CCDC7: variants seen among roughly 807,000 people sequenced by gnomAD.
CCDC7 encodes the protein coiled-coil domain containing 7.
A neutral mutation model predicts 196.9 loss-of-function variants in CCDC7; 183 were observed. That is an observed-to-expected ratio of 0.93 (90% CI 0.82 to 1.05). CCDC7 has a LOEUF of 1.05. Ranked by LOEUF, CCDC7 falls within the 50% of genes least tolerant of loss-of-function variation. CCDC7 has a pLI of 0.00. For missense variants in CCDC7, 1,540 were observed against 1,482.2 expected, an observed-to-expected ratio of 1.04 and a Z score of -0.64; for synonymous variants, 525 against 484.6, an observed-to-expected ratio of 1.08 and a Z score of -1.10.
At chr10:32,485,457 A>C (rs1285575067) in intron 8 of CCDC7, among the ~76,000 whole-genome samples, 1 of 152,124 alleles carries the variant, frequency 6.6e-6, no homozygotes, top group African/African-American at 2.4e-5. Context: ...TCCTGGATTC[A>C]TTGAATTTTT....
At chr10:32,561,518 A>T (rs1270714350) in intron 13 of CCDC7, among the ~76,000 whole-genome samples, 1 of 152,232 alleles carries the variant, frequency 6.6e-6, no homozygotes, top group African/African-American at 2.4e-5. Flanking sequence ...GCTCAACTAC[A>T]TGGAAACTGA....
chr10:32,852,610 A>T (rs1342545), intron 40 of CCDC7, among the ~76,000 whole-genome samples: 1 of 151,998 alleles, frequency 6.6e-6, no homozygotes, highest in Admixed American at 6.6e-5. Context: ...AGAGTTTGAA[A>T]CTTTTAAAAA....
rs1366945911 is a variant in CCDC7, at chr10:32,565,548, T to G, written c.1135-10T>G. On this transcript the variant is annotated splice_polypyrimidine_tract_variant and intron_variant, in intron 13 of 41. Transcript: ENST00000639629. ...AGTAAATACCTTTTTTCCCCCTTCT[T>G]ACTTCCTAGAAAGTAGCACGTCTGG... 6.2e-7 allele frequency: 1 copy of G among 1,608,390 alleles called. No homozygotes were observed. The highest frequency in any genetic ancestry group is 2.2e-5 in the East Asian group (1 of 44,724).
At chr10:32,673,003 AT>A (rs1294938090) in intron 21 of CCDC7, among the ~76,000 whole-genome samples, 2 of 152,004 alleles carry the variant, frequency 1.3e-5, no homozygotes, top group African/African-American at 4.8e-5. Flanking sequence ...GTTTAATTTC[AT>A]TCTTTTCCAT....
chr10:32,587,325 G>A (rs2137678077), intron 18 of CCDC7, among the ~76,000 whole-genome samples: 1 of 152,272 alleles, frequency 6.6e-6, no homozygotes. Flanking sequence ...AAGGTCAAGG[G>A]ACCTGCCTCT....
chr10:32,593,651 A>G (rs560173197), intron 18 of CCDC7, among the ~76,000 whole-genome samples: 1 of 152,288 alleles, frequency 6.6e-6, no homozygotes, highest in South Asian at 2.1e-4. Flanking sequence ...GGTATTGCCT[A>G]GGTTTTCTTC....
intron 13 of CCDC7, among the ~76,000 whole-genome samples, chr10:32,563,586 T>C (rs940153331): frequency 6.6e-6 from 1 of 152,234 alleles, no homozygotes; most frequent in Non-Finnish European, 1.5e-5. Context: ...CTGGGAATAC[T>C]GGCCAGCCAT....
chr10:32,641,029 C>T (rs2066702125), intron 20 of CCDC7, among the ~76,000 whole-genome samples: 1 of 152,118 alleles, frequency 6.6e-6, no homozygotes, highest in Non-Finnish European at 1.5e-5. Context: ...TCCGCTGTTA[C>T]TCTGATGGTC....
chr10:32,454,231 T>C (rs1365631785), intron 2 of CCDC7, among the ~76,000 whole-genome samples: 1 of 152,132 alleles, frequency 6.6e-6, no homozygotes, highest in African/African-American at 2.4e-5. Flanking sequence ...GTGAAGCTTT[T>C]TGAAATGATG....
chr10:32,854,425 C>T, exon 41 of CCDC7: 1 of 1,606,594 alleles, frequency 6.2e-7, no homozygotes, highest in Non-Finnish European at 8.5e-7. Context: ...TTACCTTAAG[C>T]CAAAAAACTA....
intron 13 of CCDC7, among the ~76,000 whole-genome samples, chr10:32,563,370 G>A (rs1226738092): frequency 6.6e-6 from 1 of 152,182 alleles, no homozygotes; most frequent in Non-Finnish European, 1.5e-5. Flanking sequence ...GAACAAAGCT[G>A]GAGGCATCAT....
At chr10:32,510,070 G>T (rs1431946665) in intron 9 of CCDC7, among the ~76,000 whole-genome samples, 1 of 152,082 alleles carries the variant, frequency 6.6e-6, no homozygotes, top group Non-Finnish European at 1.5e-5. Flanking sequence ...ATGTCAGGGG[G>T]ATATCTGCAC....
intron 18 of CCDC7, chr10:32,623,816 C>T (rs566778285): frequency 4.5e-5 from 21 of 469,714 alleles, no homozygotes; most frequent in Middle Eastern, 3.3e-4. Flanking sequence ...ATATGTCACA[C>T]GGTGAGTGTG....
intron 13 of CCDC7, among the ~76,000 whole-genome samples, chr10:32,549,531 A>G (rs1259946799): frequency 6.6e-6 from 1 of 152,070 alleles, no homozygotes; most frequent in African/African-American, 2.4e-5. Flanking sequence ...ATCTTCTAGA[A>G]TTTTTATAGT....
At chr10:32,527,565 TA>T (rs2048872879) in intron 11 of CCDC7, among the ~76,000 whole-genome samples, 1 of 152,236 alleles carries the variant, frequency 6.6e-6, no homozygotes, top group South Asian at 2.1e-4. Flanking sequence ...TTCAGTATTC[TA>T]AAATATATTA....
chr10:32,795,850 T>C (rs2083466977), intron 29 of CCDC7, among the ~76,000 whole-genome samples: 1 of 152,048 alleles, frequency 6.6e-6, no homozygotes, highest in South Asian at 2.1e-4. Flanking sequence ...TTCCCAAAGG[T>C]GTGGGAAGGG....
At chr10:32,728,792 T>A (rs1327907061) in intron 26 of CCDC7, 95 bp from the exon 28 acceptor site, 3 of 619,942 alleles carry the variant, frequency 4.8e-6, no homozygotes, top group Non-Finnish European at 7.8e-6. Context: ...TATGGTAATT[T>A]ACTTATAACT....
intron 28 of CCDC7, among the ~76,000 whole-genome samples, chr10:32,739,207 T>G (rs951342): frequency 0.14 from 21,042 of 152,074 alleles, 1,762 homozygotes; most frequent in East Asian, 0.25. Flanking sequence ...TTCTTAGCCA[T>G]TATTATTTCA....
At chr10:32,492,047 GAC>G (rs1036048601) in intron 9 of CCDC7, 50 bp downstream of exon 10, 2 of 1,468,126 alleles carry the variant, frequency 1.4e-6, no homozygotes, top group Non-Finnish European at 1.8e-6. Flanking sequence ...TTTAAAAAAA[GAC>G]AGATAAAATT....
Sources: gnomAD v4.1 joint callset for allele counts (sites outside exome capture counted in the v4.1 genomes callset) on GRCh38, gnomAD v4.1.1 for gene constraint, MANE v1.5 for transcripts, NCBI Gene and HGNC (gene_info 2026-07-23, HGNC 2026-07-21) for gene names.